Variants in SETD9 observed in about 807,000 individuals in gnomAD.
SETD9 encodes the protein SET domain-containing protein 9.
SETD9 carries 37 observed loss-of-function variants against 36.4 expected under a neutral mutation model. That is an observed-to-expected ratio of 1.02 (90% CI 0.78 to 1.34). SETD9 has a LOEUF of 1.34. SETD9 is among the 40% of genes most tolerant of loss of function. SETD9 has a pLI of 0.00. For missense variants in SETD9, 323 were observed against 353.2 expected, an observed-to-expected ratio of 0.91 and a Z score of 0.69; for synonymous variants, 128 against 132.9, an observed-to-expected ratio of 0.96 and a Z score of 0.26.
chr5:56,909,585 G>T, upstream of SETD9: 1 of 1,392,882 alleles, frequency 7.2e-7, no homozygotes. Context: ...GGGCCGGGGC[G>T]GGCCCGAGGC....
At chr5:56,928,786 T>G, downstream of SETD9, 1 of 1,613,084 alleles carries the variant, frequency 6.2e-7, no homozygotes, top group Non-Finnish European at 8.5e-7. Flanking sequence ...CTGTATAAGA[T>G]GAAAATCTTT....
intron 5 of SETD9, chr5:56,924,050 A>C: frequency 6.3e-7 from 1 of 1,586,668 alleles, no homozygotes; most frequent in South Asian, 1.2e-5. Flanking sequence ...CACCTAATGA[A>C]AAAGTTGAAT....
At position 56,913,036 on chromosome 5, in the gene SETD9, G is replaced by A. The variant is rs1196202955; in HGVS notation, c.492G>A (p.Pro164=). The change falls in exon 3 of 6, where the codon CCG becomes CCA. Residue 164 remains proline (P), a synonymous_variant. Coordinates refer to ENST00000285947, the MANE Select transcript of SETD9 (RefSeq NM_153706.4). Reference sequence around the variant, plus strand: ...GTACAGTATATCAGAAGTATGAGCCGATCTTTTTCCAGTCCATTGGAAATC... The same window carrying A: ...GTACAGTATATCAGAAGTATGAGCCAATCTTTTTCCAGTCCATTGGAAATC... ...YPGTVYQKYE[P]IFFQSIGNPF... 19 of 1,613,702 alleles carry A rather than the reference G, an allele frequency of 1.2e-5. No individual in the cohort carries two copies. Among genetic ancestry groups the A allele is most frequent in the African/African-American group, 5.3e-5 (4 of 74,874 alleles).
At chr5:56,923,635 C>T in intron 5 of SETD9, 1 of 1,613,042 alleles carries the variant, frequency 6.2e-7, no homozygotes, top group Non-Finnish European at 8.5e-7. Context: ...TGACATCAAA[C>T]AGAGGACACA....
chr5:56,925,314 A>C, intron 5 of SETD9: 1 of 454,558 alleles, frequency 2.2e-6, no homozygotes, highest in Non-Finnish European at 4.4e-6. Context: ...GGAAGAAATA[A>C]AACTGTCTCT....
upstream of SETD9, chr5:56,909,457 AGAGGT>A (rs1044184117): frequency 3.2e-5 from 16 of 493,194 alleles, no homozygotes; most frequent in African/African-American, 2.7e-4. Flanking sequence ...TCTCATTCAG[AGAGGT>A]GAGGTCAGGA....
At chr5:56,912,673 C>A in intron 2 of SETD9, among the ~76,000 whole-genome samples, 1 of 152,100 alleles carries the variant, frequency 6.6e-6, no homozygotes, top group Admixed American at 6.6e-5. Flanking sequence ...AAATAAATTT[C>A]TTCAAACTCT....
At chr5:56,926,434 C>A (rs370717251), downstream of SETD9, among the ~76,000 whole-genome samples, 1 of 151,586 alleles carries the variant, frequency 6.6e-6, no homozygotes, top group Non-Finnish European at 1.5e-5. Context: ...GGCAAAAAAT[C>A]TGAATGAACA....
At chr5:56,923,703 T>A (rs1363118286) in intron 5 of SETD9, 4 of 1,614,114 alleles carry the variant, frequency 2.5e-6, no homozygotes. Context: ...GTCAAGTCAC[T>A]GGCAGTGAAG....
At chr5:56,919,462 C>T (rs763061822), downstream of SETD9, 2 of 152,220 alleles carry the variant, frequency 1.3e-5, no homozygotes, top group East Asian at 3.9e-4. Flanking sequence ...AATCTACCAA[C>T]TTCACTATCT....
At chr5:56,916,616 A>G (rs1008143918) in intron 5 of SETD9, among the ~76,000 whole-genome samples, 199 bp from the exon 6 acceptor site, 11 of 152,188 alleles carry the variant, frequency 7.2e-5, no homozygotes, top group Admixed American at 5.2e-4. Context: ...TTGATTTGTG[A>G]TTTTTTAAAT....
intron 4 of SETD9, among the ~76,000 whole-genome samples, chr5:56,914,643 CTT>C (rs951495554): frequency 2.0e-5 from 3 of 151,716 alleles, no homozygotes; most frequent in African/African-American, 7.3e-5. Flanking sequence ...TTATATATGT[CTT>C]TTTGAATATT....
intron 5 of SETD9, chr5:56,923,594 G>A (rs1005148806): frequency 2.7e-5 from 44 of 1,611,538 alleles, no homozygotes; most frequent in Admixed American, 2.2e-4. Flanking sequence ...AGCTAAAAAG[G>A]AATGGAAAAT....
chr5:56,911,979 C>A (rs968919787), intron 2 of SETD9, among the ~76,000 whole-genome samples: 1 of 152,014 alleles, frequency 6.6e-6, no homozygotes, highest in African/African-American at 2.4e-5. Context: ...CATAGTGAAA[C>A]CCTGTCTCTA....
At chr5:56,923,373 T>A in intron 5 of SETD9, 2 of 1,614,184 alleles carry the variant, frequency 1.2e-6, no homozygotes, top group Non-Finnish European at 1.7e-6. Flanking sequence ...TCACTGCACA[T>A]GTTCATAGGG....
At chr5:56,923,568 C>A in intron 5 of SETD9, 1 of 1,613,278 alleles carries the variant, frequency 6.2e-7, no homozygotes, top group African/African-American at 1.3e-5. Context: ...CAGACGGTTG[C>A]TACACTGTTG....
intron 5 of SETD9, among the ~76,000 whole-genome samples, chr5:56,916,404 CAA>C (rs917065026): frequency 6.6e-6 from 1 of 152,018 alleles, no homozygotes; most frequent in Non-Finnish European, 1.5e-5. Flanking sequence ...AAAAAACAAA[CAA>C]TATTTTATGA....
intron 5 of SETD9, among the ~76,000 whole-genome samples, chr5:56,916,066 G>GT (rs1749409262): frequency 6.6e-6 from 1 of 152,080 alleles, no homozygotes; most frequent in South Asian, 2.1e-4. Context: ...ATACTCCGGG[G>GT]CATGATGTTA....
chr5:56,928,663 G>T (rs1750122030), downstream of SETD9: 5 of 669,296 alleles, frequency 7.5e-6, no homozygotes, highest in Non-Finnish European at 1.2e-5. Flanking sequence ...TGCTATAAGG[G>T]AACATTAGTA....
Sources: allele counts gnomAD v4.1 joint callset (sites outside exome capture counted in the v4.1 genomes callset), GRCh38; gene constraint gnomAD v4.1.1; transcripts MANE v1.5; gene names NCBI Gene and HGNC (gene_info 2026-07-23, HGNC 2026-07-21).